Variants in VPS41 observed in about 807,000 individuals in gnomAD.
The protein encoded by VPS41 is VPS41 subunit of HOPS complex.
VPS41 carries 85 observed loss-of-function variants against 130.9 expected under a neutral mutation model. The observed-to-expected ratio is 0.65, with a 90% CI of 0.55 to 0.78. VPS41 has a LOEUF of 0.78. VPS41 is among the 30% of genes least tolerant of loss of function. The pLI, the probability that VPS41 is intolerant of heterozygous loss-of-function variation, is 0.00. For missense variants in VPS41, 874 were observed against 1,018.7 expected (o/e 0.86, Z 1.93); for synonymous variants, 335 against 332.9 (o/e 1.01, Z -0.07).
chr7:38,823,421 T>C (rs571382069), intron 5 of VPS41, among the ~76,000 whole-genome samples: 44 of 152,342 alleles, frequency 2.9e-4, no homozygotes, highest in African/African-American at 1.0e-3. Context: ...ATTTCTGTTA[T>C]TTATAAACTA....
intron 2 of VPS41, among the ~76,000 whole-genome samples, chr7:38,876,566 T>A (rs1325290732): frequency 2.0e-5 from 3 of 152,216 alleles, no homozygotes; most frequent in Non-Finnish European, 4.4e-5. Context: ...ATTGCCAATA[T>A]TTTCTAAATT....
chr7:38,771,049 T>A (rs1178409447), intron 14 of VPS41, 149 bp downstream of exon 14: 3 of 648,740 alleles, frequency 4.6e-6, no homozygotes, highest in African/African-American at 1.8e-5. Context: ...ACTGATTTGA[T>A]AAAATATTTT....
At chr7:38,865,599 G>T (rs1372924386) in intron 3 of VPS41, among the ~76,000 whole-genome samples, 1 of 152,230 alleles carries the variant, frequency 6.6e-6, no homozygotes, top group Non-Finnish European at 1.5e-5. Flanking sequence ...CATAGTAGAT[G>T]ACAGCTGTGC....
chr7:38,848,209 C>T (rs1332766091), intron 4 of VPS41, among the ~76,000 whole-genome samples: 2 of 152,216 alleles, frequency 1.3e-5, no homozygotes. Context: ...GAAGTCAACT[C>T]ACTAGACCTG....
chr7:38,869,346 T>C, intron 2 of VPS41, 93 bp from the exon 3 acceptor site: 2 of 796,866 alleles, frequency 2.5e-6, no homozygotes, highest in Non-Finnish European at 4.1e-6. Context: ...CCAGAGATGG[T>C]TCCTTCAATG....
chr7:38,769,070 A>T (rs2115826068), intron 14 of VPS41, among the ~76,000 whole-genome samples: 1 of 152,306 alleles, frequency 6.6e-6, no homozygotes, highest in Non-Finnish European at 1.5e-5. Context: ...ACACATACAG[A>T]AAATTCACTA....
chr7:38,905,456 C>T (rs779174577), intron 1 of VPS41, among the ~76,000 whole-genome samples: 1 of 152,150 alleles, frequency 6.6e-6, no homozygotes, highest in Non-Finnish European at 1.5e-5. Flanking sequence ...CTACCTTTAC[C>T]ATATTAGGCA....
intron 24 of VPS41, among the ~76,000 whole-genome samples, chr7:38,742,762 T>TTAAA (rs1795906778): frequency 6.9e-6 from 1 of 144,704 alleles, no homozygotes; most frequent in East Asian, 2.0e-4. Flanking sequence ...CTACCAAACT[T>TTAAA]AAAAAAAAAA....
intron 17 of VPS41, 113 bp downstream of exon 17, chr7:38,763,342 T>A: frequency 1.6e-6 from 1 of 630,132 alleles, no homozygotes; most frequent in Admixed American, 3.6e-5. Flanking sequence ...ACCTGCCACA[T>A]GCAAACTACA....
intron 2 of VPS41, among the ~76,000 whole-genome samples, chr7:38,869,594 AT>A (rs796677929): frequency 4.8e-4 from 73 of 152,318 alleles, no homozygotes; most frequent in African/African-American, 1.7e-3. Flanking sequence ...AATATTTACT[AT>A]AATGGCCTTG....
At chr7:38,886,400 A>AT (rs1786732163) in intron 2 of VPS41, among the ~76,000 whole-genome samples, 2 of 152,222 alleles carry the variant, frequency 1.3e-5, no homozygotes, top group African/African-American at 4.8e-5. Flanking sequence ...CTCGCTGCTA[A>AT]CGCAGCAGTC....
chr7:38,748,322 TCTC>T (rs1796027466), intron 22 of VPS41, among the ~76,000 whole-genome samples: 1 of 152,110 alleles, frequency 6.6e-6, no homozygotes, highest in Non-Finnish European at 1.5e-5. Flanking sequence ...ATATTTTAAT[TCTC>T]CTCTTTCTGA....
chr7:38,837,178 G>GAACATCTTA (rs199920258), intron 4 of VPS41, among the ~76,000 whole-genome samples: 3,239 of 152,258 alleles, frequency 0.021, 45 homozygotes, highest in African/African-American at 0.043. Context: ...TTAAAGGCAG[G>GAACATCTTA]GGGCTGGCCA....
intron 7 of VPS41, among the ~76,000 whole-genome samples, chr7:38,816,676 C>G (rs942880137): frequency 6.6e-6 from 1 of 152,114 alleles, no homozygotes; most frequent in African/African-American, 2.4e-5. Context: ...CAGACAGATT[C>G]TTTAATTTGA....
At chr7:38,871,492 G>A (rs1786360001) in intron 2 of VPS41, among the ~76,000 whole-genome samples, 2 of 152,164 alleles carry the variant, frequency 1.3e-5, no homozygotes, top group Admixed American at 1.3e-4. Context: ...AAACCCTACT[G>A]AGAGTTAAGT....
chr7:38,877,470 T>C (rs1786515845), intron 2 of VPS41, among the ~76,000 whole-genome samples: 1 of 152,156 alleles, frequency 6.6e-6, no homozygotes, highest in African/African-American at 2.4e-5. Context: ...TAGAAGCAAA[T>C]AGAGGTCCTG....
chr7:38,732,149 G>A (rs138651878), intron 25 of VPS41, among the ~76,000 whole-genome samples: 169 of 152,258 alleles, frequency 1.1e-3, no homozygotes, highest in African/African-American at 3.9e-3. Context: ...CTAGTGATAC[G>A]GCATCTACTT....
At chr7:38,818,253 A>AC (rs199820084) in intron 6 of VPS41, among the ~76,000 whole-genome samples, 35,426 of 150,756 alleles carry the variant, frequency 0.23, 4,632 homozygotes, top group South Asian at 0.45. Context: ...ACAAAACAAA[A>AC]AAAAAAAAAC....
At chr7:38,766,628 T>C (rs1490229845) in intron 15 of VPS41, among the ~76,000 whole-genome samples, 1 of 152,176 alleles carries the variant, frequency 6.6e-6, no homozygotes, top group African/African-American at 2.4e-5. Context: ...GAATTGTAGT[T>C]AACATTAATC....
Sources: allele counts gnomAD v4.1 joint callset (sites outside exome capture counted in the v4.1 genomes callset), GRCh38; gene constraint gnomAD v4.1.1; transcripts MANE v1.5; gene names NCBI Gene and HGNC (gene_info 2026-07-23, HGNC 2026-07-21).